Variants in ANO3 observed in about 807,000 individuals in gnomAD.
The protein encoded by ANO3 is anoctamin 3, also known as anoctamin-3.
In ANO3, 99 loss-of-function variants were observed where a neutral mutation model predicts 144.8. The ratio of observed to expected loss-of-function variants is 0.68; its 90% CI spans 0.58 to 0.81. The LOEUF (loss-of-function observed/expected upper bound fraction) is 0.81. Ranked by LOEUF, ANO3 falls within the 30% of genes least tolerant of loss-of-function variation. ANO3 has a pLI of 0.00. For missense variants in ANO3, 905 were observed against 1,202.2 expected, an observed-to-expected ratio of 0.75 and a Z score of 3.66; for synonymous variants, 414 against 392.6, an observed-to-expected ratio of 1.05 and a Z score of -0.64.
chr11:26,504,748 G>A (rs529856202), intron 4 of ANO3, among the ~76,000 whole-genome samples: 2 of 151,546 alleles, frequency 1.3e-5, no homozygotes, highest in Non-Finnish European at 2.9e-5. Flanking sequence ...AGCCCGCCGG[G>A]CGCGGTGGCT....
intron 9 of ANO3, among the ~76,000 whole-genome samples, chr11:26,536,500 G>A (rs1259101733): frequency 6.6e-6 from 1 of 151,708 alleles, no homozygotes; most frequent in Admixed American, 6.6e-5. Context: ...ATTCCTAACT[G>A]CAATTCTCAC....
intron 5 of ANO3, among the ~76,000 whole-genome samples, chr11:26,513,840 G>A (rs1264490566): frequency 6.6e-6 from 1 of 152,060 alleles, no homozygotes; most frequent in Non-Finnish European, 1.5e-5. Flanking sequence ...ATATAGATTG[G>A]TTTTTGTTTG....
chr11:26,526,863 T>C (rs1849176322), intron 7 of ANO3, among the ~76,000 whole-genome samples: 1 of 152,124 alleles, frequency 6.6e-6, no homozygotes, highest in African/African-American at 2.4e-5. Context: ...GGTCCTGGTC[T>C]ATGTAGCAAA....
chr11:26,222,623 C>T (rs184093423), intron 1 of ANO3, among the ~76,000 whole-genome samples: 25 of 152,296 alleles, frequency 1.6e-4, no homozygotes, highest in East Asian at 1.2e-3. Flanking sequence ...CCAGGCTTTC[C>T]GTATATTCTC....
upstream of ANO3, chr11:26,331,934 C>T: frequency 7.0e-6 from 3 of 430,834 alleles, no homozygotes. Flanking sequence ...TAGAGGTTTG[C>T]TCCGATTTAT....
chr11:26,525,664 G>T lies in ANO3; in HGVS notation c.722G>T (p.Ser241Ile). 3 of 1,609,662 alleles carry T rather than the reference G, an allele frequency of 1.9e-6. No homozygotes were observed. The highest frequency in any genetic ancestry group is 2.5e-6 in the Non-Finnish European group (3 of 1,178,076). ...AAATGCTATTACACTGACGGGAGGA[G>T]CAAATCAATGGGCAGGTTGGTGGGT... ...RKKCYYTDGR[S>I]KSMGRMQTYF... The change falls in exon 7 of 27, where the codon AGC becomes ATC. Residue 241 changes from serine (S) to isoleucine (I), a missense_variant. Physicochemically the swap from Ser to Ile is moderately radical, Grantham distance 142 (BLOSUM62 -2). Coordinates refer to ENST00000256737, the MANE Select transcript of ANO3 (RefSeq NM_031418.4).
chr11:26,556,684 TA>T (rs1220127862), intron 13 of ANO3, among the ~76,000 whole-genome samples: 1 of 152,154 alleles, frequency 6.6e-6, no homozygotes, highest in East Asian at 1.9e-4. Context: ...CTGCATTTTT[TA>T]TGTAGCTTCT....
At chr11:26,497,866 T>A (rs1707781815) in intron 4 of ANO3, among the ~76,000 whole-genome samples, 1 of 152,088 alleles carries the variant, frequency 6.6e-6, no homozygotes. Flanking sequence ...TCTTTTAGCA[T>A]ATAAGATCAA....
In ANO3 at chr11:26,643,318, C is replaced by T. The variant is rs775827602; in HGVS notation, c.2412C>T (p.Ala804=). 3.7e-6 allele frequency: 6 copies of T among 1,613,962 alleles called. No individual in the cohort carries two copies. Among genetic ancestry groups the T allele is most frequent in the South Asian group, 3.3e-5 (3 of 91,050 alleles). ...FVTQWRRPLP[A]RATDIGIWLG... ...CTCAATGGCGGAGGCCTTTGCCAGC[C>T]CGAGCAACTGACATAGGTAAGATTC... Residue 804 remains alanine, a synonymous_variant, in exon 23 of 27, where the codon GCC becomes GCT. Coordinates refer to ENST00000256737, the MANE Select transcript of ANO3 (RefSeq NM_031418.4).
chr11:26,572,545 C>T (rs759144307), intron 14 of ANO3, among the ~76,000 whole-genome samples: 6 of 152,040 alleles, frequency 3.9e-5, no homozygotes, highest in Non-Finnish European at 7.4e-5. Flanking sequence ...CTATGCCAGC[C>T]GCACATTCTC....
chr11:26,291,786 T>C (rs2133854382), intron 1 of ANO3, among the ~76,000 whole-genome samples: 1 of 152,362 alleles, frequency 6.6e-6, no homozygotes, highest in Non-Finnish European at 1.5e-5. Flanking sequence ...CTGCTGTTAG[T>C]CTGATGGGCT....
intron 1 of ANO3, among the ~76,000 whole-genome samples, chr11:26,391,592 C>A (rs1856880763): frequency 6.6e-6 from 1 of 151,926 alleles, no homozygotes; most frequent in Non-Finnish European, 1.5e-5. Context: ...GGTTTGATAC[C>A]AACCCTTTCT....
At chr11:26,190,185 T>A (rs1010130317) in intron 1 of ANO3, among the ~76,000 whole-genome samples, 3 of 152,160 alleles carry the variant, frequency 2.0e-5, no homozygotes, top group Non-Finnish European at 4.4e-5. Context: ...TGGACACTGA[T>A]CTTTGTCACA....
chr11:26,514,230 C>G (rs1425808902), intron 5 of ANO3, among the ~76,000 whole-genome samples: 2 of 151,864 alleles, frequency 1.3e-5, no homozygotes, highest in African/African-American at 4.8e-5. Context: ...ACACAAAGGT[C>G]TATACAGAAG....
At position 26,505,909 on chromosome 11, in the gene ANO3, C is replaced by A. The variant is rs565401137; in HGVS notation, c.433-2195C>A. 1.1e-4 allele frequency among the ~76,000 whole-genome samples: 15 copies of A among 142,430 alleles called. No individual in the cohort carries two copies. In the South Asian group the frequency reaches 3.3e-3, roughly 31 times the overall value. The allele number at this position is 142,430 out of a possible 152,430, so 93.4% of individuals were successfully genotyped here. Reference sequence around the variant, plus strand: ...AGGCTGAGTTGAGGCAGGAGAATGGCGTGAATCCCGGAGGCGGAGCTTGCA... The same window carrying A: ...AGGCTGAGTTGAGGCAGGAGAATGGAGTGAATCCCGGAGGCGGAGCTTGCA... On this transcript the variant is annotated intron_variant, in intron 4 of 26. Coordinates refer to ENST00000256737, the MANE Select transcript of ANO3 (RefSeq NM_031418.4).
In ANO3 at chr11:26,639,341, C is replaced by A. The variant is rs146787989; in HGVS notation, c.2141+100C>A. On this transcript the variant is annotated intron_variant, in intron 21 of 26. Transcript: ENST00000256737. ...TAAGAATTTGGTCTTGGTAATCAGA[C>A]AAATGATGGCTCAATTCCTGTTCTG... 2,831 of 782,546 alleles carry A rather than the reference C, an allele frequency of 3.6e-3. 11 individuals are homozygous for A. Among genetic ancestry groups the A allele is most frequent in the Middle Eastern group, 7.6e-3 (32 of 4,200 alleles). The allele number at this position is 782,546 out of a possible 1,614,324, so 48.5% of individuals were successfully genotyped here.
chr11:26,436,794 CTG>C lies in ANO3; in HGVS notation c.47-5123_47-5122del, dbSNP rs370062489. On this transcript the variant is annotated intron_variant, in intron 1 of 26. Coordinates refer to ENST00000256737, the MANE Select transcript of ANO3 (RefSeq NM_031418.4). Reference sequence around the variant, plus strand: ...CAAAGATGGCAGTCCTCCCCTCTCTCTGGGAGTTCTGTCTCAGGGAGCTTTGG... The same window carrying C: ...CAAAGATGGCAGTCCTCCCCTCTCTCGGAGTTCTGTCTCAGGGAGCTTTGG... Among the ~76,000 whole-genome samples the C allele has an allele frequency of 2.2e-4, 33 of 152,320 alleles. 1 individual carries two copies. The East Asian group carries it at 3.3e-3, about 15-fold the overall frequency.
intron 1 of ANO3, among the ~76,000 whole-genome samples, chr11:26,395,155 C>T (rs1460585114): frequency 6.6e-6 from 1 of 152,098 alleles, no homozygotes; most frequent in African/African-American, 2.4e-5. Context: ...CGTACCAGTA[C>T]CATGCTATTT....
chr11:26,532,161 C>G (rs1849390797), intron 8 of ANO3, among the ~76,000 whole-genome samples: 1 of 152,138 alleles, frequency 6.6e-6, no homozygotes, highest in African/African-American at 2.4e-5. Context: ...TGTAACATAG[C>G]CATCAATCAA....
Sources: allele counts gnomAD v4.1 joint callset (sites outside exome capture counted in the v4.1 genomes callset), GRCh38; gene constraint gnomAD v4.1.1; transcripts MANE v1.5; gene names NCBI Gene and HGNC (gene_info 2026-07-23, HGNC 2026-07-21).